PELI1: variants seen among roughly 807,000 people sequenced by gnomAD.
The protein encoded by PELI1 is pellino E3 ubiquitin protein ligase 1, also known as E3 ubiquitin-protein ligase pellino homolog 1.
PELI1 carries 15 observed loss-of-function variants against 41.3 expected under a neutral mutation model. The ratio of observed to expected loss-of-function variants is 0.36; its 90% CI spans 0.24 to 0.56. PELI1 has a LOEUF of 0.56. Among genes scored for constraint, PELI1 ranks in the 20% least tolerant of loss-of-function variants. PELI1 has a pLI of 0.82. For synonymous variants in PELI1, 178 were observed against 180.1 expected, an observed-to-expected ratio of 0.99 and a Z score of 0.09; for missense variants, 403 against 525.5, an observed-to-expected ratio of 0.77 and a Z score of 2.28.
chr2:64,114,728 T>A (rs1489533081), intron 1 of PELI1, among the ~76,000 whole-genome samples: 2 of 152,192 alleles, frequency 1.3e-5, no homozygotes, highest in African/African-American at 2.4e-5. Flanking sequence ...CACTGGCCTG[T>A]GCATTGTAGG....
chr2:64,120,553 C>A (rs1239797414), intron 1 of PELI1, among the ~76,000 whole-genome samples: 1 of 152,150 alleles, frequency 6.6e-6, no homozygotes, highest in African/African-American at 2.4e-5. Context: ...CTAAAGTGTT[C>A]AACCCTTTTG....
intron 1 of PELI1, among the ~76,000 whole-genome samples, chr2:64,141,914 T>C (rs1681925859): frequency 6.6e-6 from 1 of 152,202 alleles, no homozygotes; most frequent in Non-Finnish European, 1.5e-5. Context: ...TTCCTTGAAG[T>C]ACAAATGTTC....
chr2:64,119,481 A>G (rs1309896467), intron 1 of PELI1, among the ~76,000 whole-genome samples: 1 of 152,214 alleles, frequency 6.6e-6, no homozygotes. Context: ...TTGGAACCAC[A>G]CACTGAATAG....
At chr2:64,101,338 A>C (rs1411852403) in intron 3 of PELI1, among the ~76,000 whole-genome samples, 1 of 151,974 alleles carries the variant, frequency 6.6e-6, no homozygotes, top group East Asian at 1.9e-4. Flanking sequence ...TTAAAAAAAA[A>C]AAACAAAAGA....
At chr2:64,131,547 T>C (rs1681557005) in intron 1 of PELI1, among the ~76,000 whole-genome samples, 1 of 152,120 alleles carries the variant, frequency 6.6e-6, no homozygotes, top group Non-Finnish European at 1.5e-5. Context: ...GAAGGCCAAC[T>C]GTACTCGAGA....
chr2:64,136,390 T>C (rs1386963774), intron 1 of PELI1, among the ~76,000 whole-genome samples: 1 of 152,014 alleles, frequency 6.6e-6, no homozygotes, highest in Non-Finnish European at 1.5e-5. Context: ...TACATACACA[T>C]GCATACATAC....
chr2:64,129,475 A>G (rs993665174), intron 1 of PELI1, among the ~76,000 whole-genome samples: 3 of 152,206 alleles, frequency 2.0e-5, no homozygotes. Context: ...TTTTTTATAT[A>G]TAACTCAGTA....
At position 64,096,414 on chromosome 2, in the gene PELI1, C is replaced by G. The variant is rs774101235; in HGVS notation, c.500G>C (p.Gly167Ala). Residue 167 changes from glycine to alanine, a missense_variant and splice_region_variant, in exon 5 of 7, where the codon GGG (glycine) becomes GCG (alanine). Gly to Ala is a moderately conservative substitution (Grantham distance 60, BLOSUM62 0). Coordinates refer to ENST00000358912, the MANE Select transcript of PELI1 (RefSeq NM_020651.4). ...GFDSSKNIFL[G>A]EKAAKWKTSD... ...TCATTTAGAAAAAAAGCTTTTTACCCCAAGAAAGATGTTTTTTGATGAGTC... is the reference window on the plus strand; with the variant it reads ...TCATTTAGAAAAAAAGCTTTTTACCGCAAGAAAGATGTTTTTTGATGAGTC... 5 of 1,606,890 alleles carry G rather than the reference C, an allele frequency of 3.1e-6. No homozygotes were observed. In the South Asian group the frequency reaches 5.5e-5, roughly 18 times the overall value.
intron 6 of PELI1, among the ~76,000 whole-genome samples, chr2:64,095,792 C>T (rs111400369): frequency 3.9e-5 from 6 of 152,064 alleles, no homozygotes; most frequent in Non-Finnish European, 7.4e-5. Flanking sequence ...TACAGGCATG[C>T]GCCACCATGC....
intron 1 of PELI1, among the ~76,000 whole-genome samples, chr2:64,119,968 C>A (rs1276702282): frequency 6.6e-6 from 1 of 152,164 alleles, no homozygotes; most frequent in Non-Finnish European, 1.5e-5. Context: ...TTAAGTGAAA[C>A]TGATTTTTGT....
chr2:64,094,747 A>AC lies in PELI1; in HGVS notation c.1211dup (p.Glu405Ter), dbSNP rs772886421. 1 of 1,614,214 alleles carries AC rather than the reference A, an allele frequency of 6.2e-7. No individual in the cohort carries two copies. The stretch of plus-strand genomic sequence containing the variant: ...AAATAAGTCTGATGTAGCCTTGTTC[A>AC]CCAGCCAACTGATGTGCACAAAAGG... On this transcript the variant is annotated frameshift_variant, in exon 7 of 7. Transcript: ENST00000358912. LOFTEE classifies it high-confidence loss of function.
intron 1 of PELI1, among the ~76,000 whole-genome samples, chr2:64,117,059 TCTA>T (rs150831068): frequency 3.3e-5 from 5 of 152,302 alleles, no homozygotes; most frequent in African/African-American, 1.2e-4. Flanking sequence ...TTCTGACTGC[TCTA>T]CTGTTTCTCC....
At chr2:64,139,657 A>AT (rs1681831077) in intron 1 of PELI1, among the ~76,000 whole-genome samples, 1 of 152,220 alleles carries the variant, frequency 6.6e-6, no homozygotes, top group Admixed American at 6.5e-5. Flanking sequence ...ACTAGAATGT[A>AT]AACACCATGA....
At chr2:64,107,848 TTG>T (rs1378403376) in intron 2 of PELI1, among the ~76,000 whole-genome samples, 1 of 152,086 alleles carries the variant, frequency 6.6e-6, no homozygotes, top group African/African-American at 2.4e-5. Flanking sequence ...CGGCTAATTT[TTG>T]TGTTTTTAGT....
At chr2:64,143,840 C>G (rs1682007157) in intron 1 of PELI1, among the ~76,000 whole-genome samples, 1 of 151,774 alleles carries the variant, frequency 6.6e-6, no homozygotes, top group African/African-American at 2.4e-5. Flanking sequence ...GCGCCCCGCT[C>G]CCGGGCGGAG....
Position 64,108,321 on chromosome 2 carries a change from G to A in PELI1, c.-11C>T. The A allele has an allele frequency of 6.3e-7, 1 of 1,581,932 alleles. No individual in the cohort carries two copies. The highest frequency in any genetic ancestry group is 1.1e-5 in the South Asian group (1 of 90,244). On this transcript the variant is annotated 5_prime_UTR_variant, in exon 2 of 7. Coordinates refer to ENST00000358912, the MANE Select transcript of PELI1 (RefSeq NM_020651.4). ...ATCAGGAGAAAACATGAGCTTGGCT[G>A]TCTTTCTCAAATCTTTGTTCACTGG...
At chr2:64,131,858 T>G (rs1681567712) in intron 1 of PELI1, among the ~76,000 whole-genome samples, 1 of 152,102 alleles carries the variant, frequency 6.6e-6, no homozygotes, top group South Asian at 2.1e-4. Context: ...TGACCTCAAA[T>G]GATCCACCCA....
chr2:64,138,113 G>GT (rs965564846), intron 1 of PELI1, among the ~76,000 whole-genome samples: 36 of 150,758 alleles, frequency 2.4e-4, no homozygotes, highest in South Asian at 2.1e-4. Flanking sequence ...GTTTTGTTTT[G>GT]TTTTTTTTAG....
intron 1 of PELI1, among the ~76,000 whole-genome samples, chr2:64,121,156 G>C (rs573843461): frequency 4.6e-5 from 7 of 152,290 alleles, no homozygotes; most frequent in African/African-American, 1.7e-4. Flanking sequence ...GTTCAGTCCA[G>C]GAAACATACC....
Sources: gnomAD v4.1 joint callset for allele counts (sites outside exome capture counted in the v4.1 genomes callset) on GRCh38, gnomAD v4.1.1 for gene constraint, MANE v1.5 for transcripts, NCBI Gene and HGNC (gene_info 2026-07-23, HGNC 2026-07-21) for gene names.